Variants in ST6GAL2 observed in about 807,000 individuals in gnomAD.
The protein encoded by ST6GAL2 is ST6 beta-galactoside alpha-2,6-sialyltransferase 2, also known as beta-galactoside alpha-2,6-sialyltransferase 2.
Under a neutral mutation model 37.5 loss-of-function variants are expected in ST6GAL2, and 24 were observed. The ratio of observed to expected loss-of-function variants is 0.64; its 90% CI spans 0.46 to 0.90. ST6GAL2 has a LOEUF of 0.90. ST6GAL2 is among the 40% of genes least tolerant of loss of function. The pLI is 0.00. For synonymous variants in ST6GAL2, 306 were observed against 295.1 expected, an observed-to-expected ratio of 1.04 and a Z score of -0.38; for missense variants, 715 against 712.7, an observed-to-expected ratio of 1.00 and a Z score of -0.04.
chr2:106,824,428 C>T (rs967156315), intron 5 of ST6GAL2, among the ~76,000 whole-genome samples: 3 of 152,084 alleles, frequency 2.0e-5, no homozygotes, highest in Non-Finnish European at 4.4e-5. Flanking sequence ...GTCAGGAGAT[C>T]GAGACCATCC....
Position 106,843,437 on chromosome 2 carries a change from T to C in ST6GAL2, c.541A>G (p.Arg181Gly). The change falls in exon 2 of 6, where the codon AGA becomes GGA. Residue 181 changes from arginine to glycine, a missense_variant. Arg to Gly is a moderately radical substitution (Grantham distance 125, BLOSUM62 -2). This residue lies in a region of ST6GAL2 where 512 missense variants were observed against 488.8 expected (regional missense o/e 1.05). Coordinates refer to ENST00000409382, the MANE Select transcript of ST6GAL2 (RefSeq NM_001142351.2). ...CCCTCCTCCAACACGTGGCTCCTTC[T>C]CTGCCTCCGGTGCCTCTTCTTCACC... is the stretch of plus-strand genomic sequence containing the variant. ...RRVKKRHRRQ[R>G]RSHVLEEGDD... The C allele has an allele frequency of 6.2e-7, 1 of 1,614,076 alleles. No individual in the cohort carries two copies. The highest frequency in any genetic ancestry group is 8.5e-7 in the Non-Finnish European group (1 of 1,180,012).
At chr2:106,879,835 T>C (rs1488982310) in intron 1 of ST6GAL2, among the ~76,000 whole-genome samples, 1 of 147,838 alleles carries the variant, frequency 6.8e-6, no homozygotes, top group Non-Finnish European at 1.5e-5. Flanking sequence ...AGATAATTAA[T>C]CTATATATAA....
At chr2:106,844,107 G>C in intron 1 of ST6GAL2, 73 bp from the exon 2 acceptor site, 2 of 709,358 alleles carry the variant, frequency 2.8e-6, no homozygotes, top group South Asian at 4.6e-5. Flanking sequence ...ATTCTATCTT[G>C]AGCAGTGTTT....
intron 1 of ST6GAL2, among the ~76,000 whole-genome samples, chr2:106,868,111 T>C (rs926397283): frequency 6.6e-6 from 1 of 152,208 alleles, no homozygotes; most frequent in Non-Finnish European, 1.5e-5. Context: ...CTAATGATAC[T>C]AGCCACAAAT....
chr2:106,830,315 T>C (rs1011259986), intron 4 of ST6GAL2, 75 bp from the exon 5 acceptor site: 1 of 1,334,866 alleles, frequency 7.5e-7, no homozygotes, highest in African/African-American at 1.5e-5. Flanking sequence ...GGCTGGTTGA[T>C]TTGAGGCAGA....
chr2:106,822,264 G>T (rs190971228), intron 5 of ST6GAL2, among the ~76,000 whole-genome samples: 1 of 152,120 alleles, frequency 6.6e-6, no homozygotes, highest in Admixed American at 6.5e-5. Flanking sequence ...AAAACCTAAA[G>T]ACTCCGCCAA....
intron 1 of ST6GAL2, among the ~76,000 whole-genome samples, chr2:106,859,240 G>T (rs1162531755): frequency 6.6e-6 from 1 of 152,144 alleles, no homozygotes; most frequent in African/African-American, 2.4e-5. Flanking sequence ...GTGGAATGGG[G>T]TCTCAAAATA....
chr2:106,880,369 A>G (rs144147024), intron 1 of ST6GAL2, among the ~76,000 whole-genome samples: 2 of 152,362 alleles, frequency 1.3e-5, no homozygotes, highest in East Asian at 3.9e-4. Flanking sequence ...GTCATCACAG[A>G]GAACAGCTAA....
chr2:106,826,363 C>T (rs1175349035), intron 5 of ST6GAL2, among the ~76,000 whole-genome samples: 2 of 151,948 alleles, frequency 1.3e-5, no homozygotes, highest in South Asian at 4.2e-4. Context: ...AAAGCAGGGG[C>T]AAGAGACAGA....
chr2:106,850,359 C>A (rs1484733872), intron 1 of ST6GAL2, among the ~76,000 whole-genome samples: 2 of 152,110 alleles, frequency 1.3e-5, no homozygotes, highest in Non-Finnish European at 2.9e-5. Flanking sequence ...GCTCTCTGAG[C>A]ATCTTTAAAG....
chr2:106,824,191 G>C (rs534749748), intron 5 of ST6GAL2, among the ~76,000 whole-genome samples: 1 of 152,244 alleles, frequency 6.6e-6, no homozygotes, highest in East Asian at 1.9e-4. Flanking sequence ...TTTAAGAAAA[G>C]GATTTACAGT....
chr2:106,821,005 C>G lies in ST6GAL2; in HGVS notation c.1318+9061G>C, dbSNP rs185612003. Among the ~76,000 whole-genome samples, 3 of 151,742 alleles carry G rather than the reference C, an allele frequency of 2.0e-5. No individual in the cohort carries two copies. The East Asian group carries it at 5.8e-4, about 29-fold the overall frequency. On this transcript the variant is annotated intron_variant, in intron 5 of 5. Transcript: ENST00000409382. ...CTATGAGATAAAGCAAAAGTAGTACCAAGAGGAAAGTTTATAGCTATAAGC... is the reference window on the plus strand; with the variant it reads ...CTATGAGATAAAGCAAAAGTAGTACGAAGAGGAAAGTTTATAGCTATAAGC...
At chr2:106,883,051 AGGACCAATGCT>A (rs1277095706) in intron 1 of ST6GAL2, among the ~76,000 whole-genome samples, 1 of 152,226 alleles carries the variant, frequency 6.6e-6, no homozygotes, top group Non-Finnish European at 1.5e-5. Context: ...CACCAGGGCT[AGGACCAATGCT>A]GGAGCTGGAC....
chr2:106,885,866 C>G (rs1678961494), intron 1 of ST6GAL2: 1 of 152,248 alleles, frequency 6.6e-6, no homozygotes. Context: ...TAAAAGATCA[C>G]CTTTACTGAG....
intron 1 of ST6GAL2, among the ~76,000 whole-genome samples, chr2:106,878,812 T>C (rs765604944): frequency 3.9e-5 from 6 of 152,160 alleles, no homozygotes; most frequent in Non-Finnish European, 7.4e-5. Context: ...CTAAGGATAC[T>C]GAGGGATGAC....
chr2:106,829,953 A>G, intron 5 of ST6GAL2, 113 bp downstream of exon 5: 1 of 989,532 alleles, frequency 1.0e-6, no homozygotes, highest in East Asian at 2.5e-5. Context: ...TTCTGGTTCC[A>G]GGCATTTCAG....
Position 106,844,015 on chromosome 2 carries a change from A to C in ST6GAL2, c.-38T>G, listed in dbSNP as rs1677048489. On this transcript the variant is annotated 5_prime_UTR_variant, in exon 2 of 6. Transcript: ENST00000409382. ...CGGTCAGCACCTTGTGTCTTAATGCAGATGGGTGGCAGAATGAACCTGAAA... is the reference window on the plus strand; with the variant it reads ...CGGTCAGCACCTTGTGTCTTAATGCCGATGGGTGGCAGAATGAACCTGAAA... The C allele has an allele frequency of 5.3e-6, 8 of 1,507,780 alleles. No homozygotes were observed. In the East Asian group the frequency reaches 1.8e-4, roughly 34 times the overall value. The allele number at this position is 1,507,780 out of a possible 1,614,324, so 93.4% of individuals were successfully genotyped here.
chr2:106,861,452 T>C (rs531867831), intron 1 of ST6GAL2, among the ~76,000 whole-genome samples: 1 of 152,280 alleles, frequency 6.6e-6, no homozygotes, highest in Admixed American at 6.5e-5. Flanking sequence ...ACATTTATTA[T>C]ATATCCAGGC....
intron 2 of ST6GAL2, among the ~76,000 whole-genome samples, chr2:106,839,691 G>A (rs1226320654): frequency 6.6e-5 from 10 of 152,084 alleles, no homozygotes; most frequent in Admixed American, 6.5e-4. Flanking sequence ...GCCAGAATTC[G>A]AGTTTCAGGT....
Sources: gnomAD v4.1 joint callset for allele counts (sites outside exome capture counted in the v4.1 genomes callset) on GRCh38, gnomAD v4.1.1 for gene constraint, gnomAD v4.1.1 regional missense constraint, MANE v1.5 for transcripts, NCBI Gene and HGNC (gene_info 2026-07-23, HGNC 2026-07-21) for gene names.